ASIC2: variants seen among roughly 807,000 people sequenced by gnomAD.
ASIC2 encodes the protein acid sensing ion channel subunit 2.
In ASIC2, 25 loss-of-function variants were observed where a neutral mutation model predicts 57.3. That is an observed-to-expected ratio of 0.44 (90% CI 0.32 to 0.61). ASIC2 has a LOEUF of 0.61. Among genes scored for constraint, ASIC2 ranks in the 20% least tolerant of loss-of-function variants. The pLI, the probability that ASIC2 is intolerant of heterozygous loss-of-function variation, is 0.06. For synonymous variants in ASIC2, 319 were observed against 307.5 expected (o/e 1.04, Z -0.39); for missense variants, 641 against 738.1 (o/e 0.87, Z 1.52).
Position 33,088,845 on chromosome 17 carries a change from G to T in ASIC2, c.987+18C>A. 2 of 1,600,748 alleles carry T rather than the reference G, an allele frequency of 1.2e-6. No individual in the cohort carries two copies. Among genetic ancestry groups the T allele is most frequent in the Non-Finnish European group, 1.7e-6 (2 of 1,173,352 alleles). ...GGGAGGCTGAGGACCATCAATCCTG[G>T]GAGCCCAGGGAACTTACCCTCTGCT... On this transcript the variant is annotated intron_variant, in intron 3 of 9. Transcript: ENST00000225823.
intron 1 of ASIC2, among the ~76,000 whole-genome samples, chr17:33,820,674 A>C (rs929506831): frequency 6.6e-6 from 1 of 152,216 alleles, no homozygotes; most frequent in Non-Finnish European, 1.5e-5. Flanking sequence ...TAATGGAAAA[A>C]ATAATTTCAC....
At chr17:33,956,890 G>C (rs1904750870) in intron 1 of ASIC2, among the ~76,000 whole-genome samples, 1 of 152,228 alleles carries the variant, frequency 6.6e-6, no homozygotes, top group Admixed American at 6.5e-5. Flanking sequence ...GCTCCTGAGA[G>C]CTGGGACAGT....
chr17:33,314,772 T>A (rs113279319), intron 1 of ASIC2, among the ~76,000 whole-genome samples: 1 of 152,254 alleles, frequency 6.6e-6, no homozygotes, highest in Non-Finnish European at 1.5e-5. Context: ...AGAACGATTC[T>A]ATTTTTATGC....
chr17:34,083,173 TC>T (rs1288994080), intron 1 of ASIC2, among the ~76,000 whole-genome samples: 1 of 76,576 alleles, frequency 1.3e-5, no homozygotes, highest in Non-Finnish European at 2.4e-5. Flanking sequence ...CCCTCCCCCC[TC>T]CCCCCACCCC....
chr17:33,434,188 G>A (rs542299807), intron 1 of ASIC2, among the ~76,000 whole-genome samples: 1 of 151,862 alleles, frequency 6.6e-6, no homozygotes, highest in African/African-American at 2.4e-5. Flanking sequence ...GAGAGAAAAT[G>A]AAAATACTGA....
At chr17:33,821,352 C>T (rs1400345384) in intron 1 of ASIC2, among the ~76,000 whole-genome samples, 7 of 152,170 alleles carry the variant, frequency 4.6e-5, no homozygotes, top group Non-Finnish European at 1.0e-4. Flanking sequence ...CTAGGGAAAG[C>T]CTTCTCGTCC....
intron 1 of ASIC2, among the ~76,000 whole-genome samples, chr17:33,164,652 C>T (rs1905257492): frequency 6.6e-6 from 1 of 152,116 alleles, no homozygotes; most frequent in Non-Finnish European, 1.5e-5. Flanking sequence ...GTTGCAGGGG[C>T]TTGCTCAAGG....
chr17:33,909,720 A>G (rs1475763433), intron 1 of ASIC2, among the ~76,000 whole-genome samples: 1 of 152,260 alleles, frequency 6.6e-6, no homozygotes, highest in Non-Finnish European at 1.5e-5. Context: ...TCCACAGCAA[A>G]TAAGAGAATG....
chr17:33,546,702 C>T (rs1246535354), intron 1 of ASIC2, among the ~76,000 whole-genome samples: 2 of 152,118 alleles, frequency 1.3e-5, no homozygotes, highest in Non-Finnish European at 2.9e-5. Context: ...GCAATTCTGT[C>T]CCTCAAGTTA....
chr17:34,084,458 T>G (rs1417173559), intron 1 of ASIC2, among the ~76,000 whole-genome samples: 2 of 152,346 alleles, frequency 1.3e-5, no homozygotes, highest in South Asian at 2.1e-4. Context: ...CCTTGTAGTA[T>G]AGTTTGAAGT....
chr17:33,610,412 C>T (rs1187924982), intron 1 of ASIC2, among the ~76,000 whole-genome samples: 2 of 152,202 alleles, frequency 1.3e-5, no homozygotes, highest in Non-Finnish European at 2.9e-5. Context: ...CCGCCTCGGC[C>T]TCCCAAAATG....
intron 1 of ASIC2, among the ~76,000 whole-genome samples, chr17:33,351,446 T>A (rs575001886): frequency 1.3e-5 from 2 of 152,316 alleles, no homozygotes; most frequent in East Asian, 3.9e-4. Context: ...GGTTGAGATG[T>A]TTCCCCACAG....
intron 1 of ASIC2, among the ~76,000 whole-genome samples, chr17:33,870,260 C>A (rs1597909740): frequency 1.1e-5 from 1 of 87,344 alleles, no homozygotes; most frequent in Non-Finnish European, 2.0e-5. Context: ...TTTGTCTAAG[C>A]ACTTCATCAA....
intron 1 of ASIC2, among the ~76,000 whole-genome samples, chr17:34,087,426 C>T (rs866536288): frequency 2.6e-5 from 4 of 152,122 alleles, no homozygotes; most frequent in Non-Finnish European, 4.4e-5. Context: ...GTCTGATGGG[C>T]TTCCCTTTGT....
At chr17:33,677,183 T>G (rs1168207414) in intron 1 of ASIC2, among the ~76,000 whole-genome samples, 1 of 152,210 alleles carries the variant, frequency 6.6e-6, no homozygotes, top group Admixed American at 6.5e-5. Flanking sequence ...ATATTTTCAG[T>G]GTAGACAAAA....
At chr17:34,124,629 C>G (rs1331566043) in intron 1 of ASIC2, among the ~76,000 whole-genome samples, 1 of 152,148 alleles carries the variant, frequency 6.6e-6, no homozygotes, top group Non-Finnish European at 1.5e-5. Context: ...ACAACAAAAA[C>G]ACATTTATTT....
At chr17:34,064,750 C>T (rs1988015) in intron 1 of ASIC2, among the ~76,000 whole-genome samples, 152,211 of 152,332 alleles carry the variant, frequency 1, 76,047 homozygotes, top group East Asian at 1. Flanking sequence ...AAAGAAGATA[C>T]ACAAATGCCC....
chr17:33,894,595 A>G lies in ASIC2; in HGVS notation c.555+261383T>C, dbSNP rs566320739. ...TTTGAATTTCAGCCTCAATACTCAC[A>G]CTAGCTATGTGCACTTGAGCAATCT... is the stretch of plus-strand genomic sequence containing the variant. On this transcript the variant is annotated intron_variant, in intron 1 of 9. Transcript: ENST00000359872. Among the ~76,000 whole-genome samples the G allele has an allele frequency of 3.3e-5, 5 of 152,198 alleles. No individual in the cohort carries two copies. The East Asian group carries it at 5.8e-4, about 18-fold the overall frequency.
chr17:33,026,757 T>G (rs1409795426), intron 4 of ASIC2, among the ~76,000 whole-genome samples: 1 of 152,206 alleles, frequency 6.6e-6, no homozygotes, highest in Non-Finnish European at 1.5e-5. Flanking sequence ...CTGGGATCTC[T>G]TTGTAGAAAC....
Sources: allele counts gnomAD v4.1 joint callset (sites outside exome capture counted in the v4.1 genomes callset), GRCh38; gene constraint gnomAD v4.1.1; transcripts MANE v1.5; gene names NCBI Gene and HGNC (gene_info 2026-07-23, HGNC 2026-07-21).